The following DHX29 variants were observed in gnomAD, a reference collection of about 807,000 sequenced individuals.
DHX29 encodes ATP-dependent RNA helicase DHX29.
In DHX29, 79 loss-of-function variants were observed where a neutral mutation model predicts 167.9. The ratio of observed to expected loss-of-function variants is 0.47; its 90% CI spans 0.39 to 0.57. The LOEUF (loss-of-function observed/expected upper bound fraction) is 0.57, where lower values mean the gene tolerates loss of function less well. Among genes scored for constraint, DHX29 ranks in the 20% least tolerant of loss-of-function variants. The pLI, the probability that DHX29 is intolerant of heterozygous loss-of-function variation, is 0.00. For missense variants in DHX29, 1,347 were observed against 1,593.4 expected (o/e 0.85, Z 2.63); for synonymous variants, 530 against 546.0 (o/e 0.97, Z 0.41).
At chr5:55,280,849 G>A (rs539583580) in intron 12 of DHX29, among the ~76,000 whole-genome samples, 1 of 152,196 alleles carries the variant, frequency 6.6e-6, no homozygotes. Context: ...TGAACATTAT[G>A]AAATGCTACA....
chr5:55,276,163 TATACTC>T (rs758627074), intron 14 of DHX29, 97 bp downstream of exon 14: 7 of 993,834 alleles, frequency 7.0e-6, no homozygotes, highest in Non-Finnish European at 8.7e-6. Context: ...TCTATCAAAT[TATACTC>T]AAATTCACTG....
chr5:55,296,466 C>CT (rs375394305), intron 3 of DHX29, 117 bp from the exon 4 acceptor site: 37 of 1,263,528 alleles, frequency 2.9e-5, no homozygotes, highest in South Asian at 7.0e-5. Context: ...TCAAAACTAT[C>CT]TTTTTTTTCC....
chr5:55,281,511 G>A lies in DHX29; in HGVS notation c.1970C>T (p.Ser657Phe), dbSNP rs2111883373. The A allele has an allele frequency of 6.3e-7, 1 of 1,577,316 alleles. No individual in the cohort carries two copies. The highest frequency in any genetic ancestry group is 1.7e-4 in the Middle Eastern group (1 of 5,912). Residue 657 changes from serine (S) to phenylalanine (F), a missense_variant, in exon 12 of 27, where the codon TCC becomes TTC. Ser to Phe is a radical substitution (Grantham distance 155). Around this residue, in one of 3 missense-constraint regions of DHX29, gnomAD observed 882 missense variants for 1,082.4 expected, o/e 0.81. Transcript: ENST00000251636. Reference protein sequence around the residue: ...GCENGPGGRNSLCGYQIRMES... With the variant: ...GCENGPGGRNFLCGYQIRMES... ...CATCCGGATCTGATATCCACACAAG[G>A]AATTCTAAAGGGAGAACATAAGGCC... is the stretch of plus-strand genomic sequence containing the variant.
At chr5:55,277,318 T>C (rs890252972) in intron 12 of DHX29, 36 bp from the exon 13 acceptor site, 1 of 1,434,692 alleles carries the variant, frequency 7.0e-7, no homozygotes, top group African/African-American at 1.4e-5. Flanking sequence ...GTTCATCATA[T>C]ATTGTATAAA....
At chr5:55,285,949 G>A in intron 8 of DHX29, 88 bp from the exon 9 acceptor site, 1 of 1,110,522 alleles carries the variant, frequency 9.0e-7, no homozygotes, top group South Asian at 1.9e-5. Context: ...TTGGAGAACA[G>A]CACTTTTAGA....
chr5:55,281,033 T>TAC (rs147048610), intron 12 of DHX29, among the ~76,000 whole-genome samples: 38 of 149,526 alleles, frequency 2.5e-4, no homozygotes, highest in Middle Eastern at 3.4e-3. Context: ...TATATATGTA[T>TAC]ACACACACAC....
intron 18 of DHX29, 102 bp downstream of exon 18, chr5:55,271,985 T>A: frequency 1.5e-6 from 1 of 672,990 alleles, no homozygotes; most frequent in East Asian, 3.0e-5. Context: ...ACTAGGACAT[T>A]TAGGATTTTC....
chr5:55,279,659 T>C (rs911389925), intron 12 of DHX29: 2 of 152,398 alleles, frequency 1.3e-5, no homozygotes, highest in East Asian at 1.9e-4. Context: ...GGTGAGTAGA[T>C]AGGACTACAG....
chr5:55,293,760 T>G (rs913861562), intron 6 of DHX29, among the ~76,000 whole-genome samples: 70 of 152,342 alleles, frequency 4.6e-4, no homozygotes, highest in African/African-American at 1.5e-3. Context: ...CTAAAGAATT[T>G]AGCATACTCC....
intron 1 of DHX29, among the ~76,000 whole-genome samples, chr5:55,303,623 T>G (rs1336741646): frequency 1.3e-5 from 2 of 152,178 alleles, no homozygotes; most frequent in African/African-American, 4.8e-5. Flanking sequence ...TTCCCAGACT[T>G]CCAGCCACAT....
At chr5:55,271,478 A>G (rs1259410872) in intron 18 of DHX29, among the ~76,000 whole-genome samples, 9 of 152,184 alleles carry the variant, frequency 5.9e-5, no homozygotes, top group Non-Finnish European at 1.5e-5. Flanking sequence ...TAAAAATACA[A>G]AAACATTAGC....
chr5:55,277,160 T>C lies in DHX29; in HGVS notation c.2232A>G (p.Thr744=), dbSNP rs376389364. 9.3e-6 allele frequency: 15 copies of C among 1,613,014 alleles called. No homozygotes were observed. The highest frequency in any genetic ancestry group is 3.3e-4 in the Middle Eastern group (2 of 6,058). Residue 744 remains threonine, a synonymous_variant, in exon 13 of 27, where the codon ACA becomes ACG. Transcript: ENST00000251636. ...TGAGAATGGGGCAGTGTGTGAAATA[T>C]GTAGAAAATTTTTCGCTGTCCACAG... The part of the protein sequence containing the change: ...SATVDSEKFS[T]YFTHCPILRI...
At chr5:55,261,297 A>T (rs1034463551) in intron 25 of DHX29, 71 bp downstream of exon 25, 39 of 751,952 alleles carry the variant, frequency 5.2e-5, no homozygotes, top group Middle Eastern at 3.2e-4. Context: ...AATAAAATTT[A>T]AAAAATGTAC....
intron 1 of DHX29, among the ~76,000 whole-genome samples, chr5:55,303,704 C>G (rs1291224931): frequency 1.3e-5 from 2 of 152,138 alleles, no homozygotes; most frequent in African/African-American, 4.8e-5. Flanking sequence ...TTGTTTCCAC[C>G]TTAGGGTTTT....
rs552962973 is a variant in DHX29 at position 55,301,881 on chromosome 5, T to A, written c.188-3217A>T. 2.6e-5 allele frequency among the ~76,000 whole-genome samples: 4 copies of A among 152,288 alleles called. No homozygotes were observed. In the South Asian group the frequency reaches 8.3e-4, roughly 32 times the overall value. ...AGACTTTGCTCTCTGCTGGGTTACA[T>A]TAGGTTCTTCATTTTAAGATGGTAG... On this transcript the variant is annotated intron_variant, in intron 1 of 26. Coordinates refer to ENST00000251636, the MANE Select transcript of DHX29 (RefSeq NM_019030.4).
Position 55,269,504 on chromosome 5 carries a change from G to T in DHX29, c.3203C>A (p.Pro1068Gln), listed in dbSNP as rs141718719. 1 of 1,614,076 alleles carries T rather than the reference G, an allele frequency of 6.2e-7. No individual in the cohort carries two copies. Among genetic ancestry groups the T allele is most frequent in the Non-Finnish European group, 8.5e-7 (1 of 1,180,016 alleles). Residue 1068 changes from proline (P) to glutamine (Q), a missense_variant, in exon 21 of 27, where the codon CCG (proline) becomes CAG (glutamine). Around this residue, in one of 3 missense-constraint regions of DHX29, gnomAD observed 882 missense variants for 1,082.4 expected, o/e 0.81. Coordinates refer to ENST00000251636, the MANE Select transcript of DHX29 (RefSeq NM_019030.4). The stretch of plus-strand genomic sequence containing the variant: ...TAAAGCTGCAAGGTGTTGGCCCAAC[G>T]GAGTCAGTTTAGGCTCATTTAATTC... ...ACELNEPKLTPLGQHLAALPV... is the reference protein window; with the variant it reads ...ACELNEPKLTQLGQHLAALPV...
chr5:55,267,091 T>G, intron 23 of DHX29, 47 bp downstream of exon 23: 1 of 1,282,486 alleles, frequency 7.8e-7, no homozygotes, highest in Non-Finnish European at 1.1e-6. Flanking sequence ...GAATAACTTA[T>G]TATAGTTACC....
At chr5:55,303,435 G>C (rs12521299) in intron 1 of DHX29, among the ~76,000 whole-genome samples, 9,199 of 152,246 alleles carry the variant, frequency 0.06, 498 homozygotes, top group African/African-American at 0.12. Context: ...GGGAAGTGCA[G>C]AGTGCCAAGA....
rs1341305196 is a variant in DHX29 at position 55,269,534 on chromosome 5, G to T, written c.3173C>A (p.Ala1058Asp). 1 of 1,614,088 alleles carries T rather than the reference G, an allele frequency of 6.2e-7. No homozygotes were observed. Among genetic ancestry groups the T allele is most frequent in the Non-Finnish European group, 8.5e-7 (1 of 1,180,010 alleles). The change falls in exon 21 of 27, where the codon GCT becomes GAT. Residue 1058 changes from alanine (A) to aspartate (D), a missense_variant. This residue lies in a region of DHX29 where 882 missense variants were observed against 1,082.4 expected (regional missense o/e 0.81). Transcript: ENST00000251636. Reference protein sequence around the residue: ...NAMNLLRKIGACELNEPKLTP... With the variant: ...NAMNLLRKIGDCELNEPKLTP... The stretch of plus-strand genomic sequence containing the variant: ...CAGTTTAGGCTCATTTAATTCACAA[G>T]CTCCAATTTTTCGGAGCAAATTCAT...
Sources: allele counts gnomAD v4.1 joint callset (sites outside exome capture counted in the v4.1 genomes callset), GRCh38; gene constraint gnomAD v4.1.1; regional missense constraint gnomAD v4.1.1; transcripts MANE v1.5; gene names NCBI Gene and HGNC (gene_info 2026-07-23, HGNC 2026-07-21).